The following MAPK8IP3 variants were observed in gnomAD, a reference collection of about 807,000 sequenced individuals.
MAPK8IP3 encodes the protein C-Jun-amino-terminal kinase-interacting protein 3.
A neutral mutation model predicts 157.8 loss-of-function variants in MAPK8IP3; 49 were observed. The observed-to-expected ratio is 0.31, with a 90% confidence interval of 0.25 to 0.39. MAPK8IP3 has a LOEUF of 0.39. Among genes scored for constraint, MAPK8IP3 ranks in the 10% least tolerant of loss-of-function variants. MAPK8IP3 has a pLI of 1.00. For missense variants in MAPK8IP3, 1,478 were observed against 1,889.4 expected (o/e 0.78, Z 4.04); for synonymous variants, 897 against 777.7 (o/e 1.15, Z -2.55).
chr16:1,763,291 C>T (rs113368948), intron 16 of MAPK8IP3, among the ~76,000 whole-genome samples: 19 of 152,372 alleles, frequency 1.2e-4, no homozygotes, highest in African/African-American at 3.6e-4. Flanking sequence ...GCCTCTGCAG[C>T]AAGGAGCCGT....
chr16:1,711,771 C>G (rs1219536786), intron 1 of MAPK8IP3, among the ~76,000 whole-genome samples: 2 of 151,972 alleles, frequency 1.3e-5, no homozygotes, highest in Non-Finnish European at 2.9e-5. Flanking sequence ...GAAACCCCGT[C>G]TCTACTAAAA....
chr16:1,764,035 C>T, intron 17 of MAPK8IP3, 80 bp from the exon 18 acceptor site: 1 of 1,373,526 alleles, frequency 7.3e-7, no homozygotes, highest in East Asian at 2.4e-5. Context: ...CAGAAGCTGG[C>T]AGCCCTACCT....
At chr16:1,753,065 C>T (rs1393642353) in intron 8 of MAPK8IP3, among the ~76,000 whole-genome samples, 1 of 152,204 alleles carries the variant, frequency 6.6e-6, no homozygotes, top group Non-Finnish European at 1.5e-5. Context: ...TTCAGAAACA[C>T]GTCAGCTTTG....
rs915194614 is a variant in MAPK8IP3, at chr16:1,748,760, A to G, written c.1216+40A>G. ...TCCCCCGCACCGCTGTGCCTGCACA[A>G]TGCTGGGGCTTTCTGCTGTTGGTTT... is the stretch of plus-strand genomic sequence containing the variant. On this transcript the variant is annotated intron_variant, in intron 8 of 31. Coordinates refer to ENST00000610761, the MANE Select transcript of MAPK8IP3 (RefSeq NM_001318852.2). 10 of 1,520,474 alleles carry G rather than the reference A, an allele frequency of 6.6e-6. No individual in the cohort carries two copies. In the African/African-American group the frequency reaches 1.1e-4, roughly 17 times the overall value. 94.2% of individuals were successfully genotyped at this position (1,520,474 alleles called of 1,614,324 possible).
At chr16:1,736,965 CGTGTGACCGTCCGTGTGAGCATCCGT>C (rs2039965209) in intron 4 of MAPK8IP3, among the ~76,000 whole-genome samples, 1 of 59,554 alleles carries the variant, frequency 1.7e-5, no homozygotes. Flanking sequence ...TGTGACCGTC[CGTGTGACCGTCCGTGTGAGCATCCGT>C]GTGAGCGTGT....
intron 8 of MAPK8IP3, among the ~76,000 whole-genome samples, chr16:1,749,063 G>A (rs569999316): frequency 2.0e-5 from 3 of 152,298 alleles, no homozygotes; most frequent in South Asian, 4.2e-4. Context: ...AGGGAATAAT[G>A]ACAGGAAAAA....
In MAPK8IP3 at chr16:1,751,844, A is replaced by T. The variant is rs1345149236; in HGVS notation, c.1216+3124A>T. The T allele has an allele frequency of 6.6e-6, 1 of 152,246 alleles. No homozygotes were observed. The allele number at this position is 152,246 out of a possible 1,614,324, so 9.4% of individuals were successfully genotyped here. On this transcript the variant is annotated intron_variant, in intron 8 of 31. Coordinates refer to ENST00000610761, the MANE Select transcript of MAPK8IP3 (RefSeq NM_001318852.2). The surrounding 1 kb of genome is among the most constrained non-coding windows in gnomAD (Gnocchi z 5.0). ...TTCTTTAACGTTGCATCACATCTTC[A>T]AGGTCCATCCCAGCTGCAGCGTGTC...
rs1204999980 is a variant in MAPK8IP3 at position 1,768,187 on chromosome 16, C to T, written c.3563-12C>T. 3 of 1,611,836 alleles carry T rather than the reference C, an allele frequency of 1.9e-6. No individual in the cohort carries two copies. The highest frequency in any genetic ancestry group is 1.1e-5 in the South Asian group (1 of 91,054). ...TATGCGGGCTCAGCGCCTCTGGGTT[C>T]TCTCCCTGCAGCCAATAAGACATCC... On this transcript the variant is annotated splice_polypyrimidine_tract_variant and intron_variant, in intron 29 of 31. Coordinates refer to ENST00000610761, the MANE Select transcript of MAPK8IP3 (RefSeq NM_001318852.2).
rs754152530 is a variant in MAPK8IP3 at position 1,766,150 on chromosome 16, C to T, written c.2629+8C>T. The T allele has an allele frequency of 6.2e-7, 1 of 1,605,094 alleles. No individual in the cohort carries two copies. The highest frequency in any genetic ancestry group is 1.1e-5 in the South Asian group (1 of 90,934). ...TGCTAGACAAGGGGCAGGGTGAGTC[C>T]TGGGCGAGTTTCCCCCATCCCCTCA... On this transcript the variant is annotated splice_region_variant and intron_variant, in intron 21 of 31. Transcript: ENST00000610761.
chr16:1,748,370 G>A, intron 7 of MAPK8IP3, 24 bp downstream of exon 7: 1 of 1,563,912 alleles, frequency 6.4e-7, no homozygotes, highest in Non-Finnish European at 8.8e-7. Flanking sequence ...CCAGGCCCTG[G>A]GGTCCTGGGG....
chr16:1,736,959 ACCG>A, intron 4 of MAPK8IP3, among the ~76,000 whole-genome samples: 1 of 56,810 alleles, frequency 1.8e-5, no homozygotes, highest in African/African-American at 7.2e-5. Context: ...TGAGCGTGTG[ACCG>A]TCCGTGTGAC....
intron 4 of MAPK8IP3, among the ~76,000 whole-genome samples, chr16:1,737,051 T>C (rs1486589417): frequency 1.4e-5 from 1 of 71,486 alleles, no homozygotes; most frequent in African/African-American, 5.4e-5. Flanking sequence ...CGTGTGACCG[T>C]CCGTGTGAGC....
At chr16:1,755,673 C>G (rs1157608744) in intron 8 of MAPK8IP3, among the ~76,000 whole-genome samples, 2 of 151,622 alleles carry the variant, frequency 1.3e-5, no homozygotes, top group African/African-American at 2.4e-5. Flanking sequence ...ATGGTGAAAC[C>G]CCATCTCTAC....
Position 1,762,494 on chromosome 16 carries a change from G to A in MAPK8IP3, c.1670+13G>A, listed in dbSNP as rs1348505547. The A allele has an allele frequency of 2.7e-5, 43 of 1,611,278 alleles. No homozygotes were observed. The highest frequency in any genetic ancestry group is 1.7e-4 in the Middle Eastern group (1 of 6,014). Reference sequence around the variant, plus strand: ...CTGAGATGATCAGGTGGGAGTTGCGGCCACCCCAGGAGGGGCTGCGGGATC... The same window carrying A: ...CTGAGATGATCAGGTGGGAGTTGCGACCACCCCAGGAGGGGCTGCGGGATC... On this transcript the variant is annotated intron_variant, in intron 14 of 31. Coordinates refer to ENST00000610761, the MANE Select transcript of MAPK8IP3 (RefSeq NM_001318852.2).
At chr16:1,738,181 C>T (rs577681783) in intron 4 of MAPK8IP3, among the ~76,000 whole-genome samples, 3 of 72,858 alleles carry the variant, frequency 4.1e-5, no homozygotes, top group Admixed American at 1.8e-4. Context: ...TCCGTGTGAG[C>T]GTCCGTGAGC....
At position 1,744,052 on chromosome 16, in the gene MAPK8IP3, C is replaced by CG. The variant is rs1483729715; in HGVS notation, c.747+581dup. The CG allele has an allele frequency of 8.1e-6, 8 of 989,202 alleles. No homozygotes were observed. In the East Asian group the frequency reaches 6.8e-4, roughly 84 times the overall value. The allele number at this position is 989,202 out of a possible 1,614,324, so 61.3% of individuals were successfully genotyped here. ...CCAGCAGGTACTCACAGCCAGAGTGCGGGGGCCCCAGCAGGTTCTCACAGC... is the reference window on the plus strand; with the variant it reads ...CCAGCAGGTACTCACAGCCAGAGTGCGGGGGGCCCCAGCAGGTTCTCACAGC... On this transcript the variant is annotated intron_variant, in intron 5 of 31. Coordinates refer to ENST00000610761, the MANE Select transcript of MAPK8IP3 (RefSeq NM_001318852.2).
At chr16:1,766,199 A>G (rs2141949857) in intron 21 of MAPK8IP3, 21 bp from the exon 22 acceptor site, 1 of 1,604,084 alleles carries the variant, frequency 6.2e-7, no homozygotes, top group South Asian at 1.1e-5. Flanking sequence ...GCCCAGCCCA[A>G]GCTCACCTCT....
chr16:1,758,276 G>T, intron 9 of MAPK8IP3, 117 bp downstream of exon 9: 1 of 1,198,892 alleles, frequency 8.3e-7, no homozygotes, highest in Non-Finnish European at 1.2e-6. Context: ...CCACGTCGCC[G>T]CAGCGCCTCT....
rs377501883 is a variant in MAPK8IP3 at position 1,766,516 on chromosome 16, G to T, written c.2820-13G>T. The T allele has an allele frequency of 3.1e-6, 5 of 1,610,394 alleles. No individual in the cohort carries two copies. Among genetic ancestry groups the T allele is most frequent in the Non-Finnish European group, 4.2e-6 (5 of 1,179,460 alleles). ...CTCCGTGGCCCCCCCTGGAGCCACC[G>T]TTCTTCCTGCAGCGAGAACGGGCCA... On this transcript the variant is annotated splice_polypyrimidine_tract_variant and intron_variant, in intron 22 of 31. Coordinates refer to ENST00000610761, the MANE Select transcript of MAPK8IP3 (RefSeq NM_001318852.2).
Sources: gnomAD v4.1 joint callset for allele counts (sites outside exome capture counted in the v4.1 genomes callset) on GRCh38, gnomAD v4.1.1 for gene constraint, Gnocchi (gnomAD v3.1) non-coding constraint, MANE v1.5 for transcripts, NCBI Gene and HGNC (gene_info 2026-07-23, HGNC 2026-07-21) for gene names.